RELCH: variants seen among roughly 807,000 people sequenced by gnomAD.
The protein encoded by RELCH is RAB11 binding and LisH domain, coiled-coil and HEAT repeat containing.
In RELCH, 41 loss-of-function variants were observed where a neutral mutation model predicts 150.3. The ratio of observed to expected loss-of-function variants is 0.27; its 90% CI spans 0.21 to 0.35. The LOEUF is 0.35. Among genes scored for constraint, RELCH ranks in the 10% least tolerant of loss-of-function variants. RELCH has a pLI of 1.00. For missense variants in RELCH, 1,092 were observed against 1,467.8 expected (o/e 0.74, Z 4.18); for synonymous variants, 478 against 531.8 (o/e 0.90, Z 1.39).
chr18:62,262,273 T>A (rs2043311900), intron 16 of RELCH, among the ~76,000 whole-genome samples: 1 of 152,016 alleles, frequency 6.6e-6, no homozygotes, highest in African/African-American at 2.4e-5. Flanking sequence ...TGACAGGCAA[T>A]TGATAACCCT....
chr18:62,287,485 A>G lies in RELCH; in HGVS notation c.3370+18A>G. On this transcript the variant is annotated intron_variant, in intron 26 of 28. Transcript: ENST00000644646. ...CTGTTGTTGTATCCTTGTTTTATTA[A>G]GGTGTATCTACATTTATGTAACCAA... is the stretch of plus-strand genomic sequence containing the variant. 8.0e-7 allele frequency: 1 copy of G among 1,255,736 alleles called. No homozygotes were observed. The highest frequency in any genetic ancestry group is 1.2e-6 in the Non-Finnish European group (1 of 859,212). The allele number at this position is 1,255,736 out of a possible 1,614,324, so 77.8% of individuals were successfully genotyped here.
intron 11 of RELCH, among the ~76,000 whole-genome samples, chr18:62,250,335 G>A (rs1304592171): frequency 1.3e-5 from 2 of 152,124 alleles, no homozygotes; most frequent in South Asian, 4.1e-4. Flanking sequence ...ATACAAGTGT[G>A]CACCTCTTGT....
At position 62,209,614 on chromosome 18, in the gene RELCH, A is replaced by G. The variant is rs188455772; in HGVS notation, c.527-1539A>G. Among the ~76,000 whole-genome samples the G allele has an allele frequency of 1.3e-4, 20 of 148,598 alleles. No homozygotes were observed. In the East Asian group the frequency reaches 4.0e-3, roughly 29 times the overall value. ...GCTATTCTGAGACTTTTTTGTTTCC[A>G]TGTGAGTTTTAGCATCAAGTTCTCA... On this transcript the variant is annotated intron_variant, in intron 1 of 28. Transcript: ENST00000644646.
chr18:62,229,540 G>A (rs1025635337), intron 8 of RELCH, among the ~76,000 whole-genome samples: 2 of 151,364 alleles, frequency 1.3e-5, no homozygotes, highest in African/African-American at 4.9e-5. Context: ...CTGTCTGTCT[G>A]TGTTGGTCAC....
chr18:62,260,457 A>G lies in RELCH; in HGVS notation c.2203-1054A>G, dbSNP rs192958072. 1.7e-3 allele frequency among the ~76,000 whole-genome samples: 257 copies of G among 152,012 alleles called. 1 individual carries two copies. Among genetic ancestry groups the G allele is most frequent in the African/African-American group, 6.0e-3 (248 of 41,534 alleles). On this transcript the variant is annotated intron_variant, in intron 15 of 28. Transcript: ENST00000644646. ...TGTTGGTAGGAATGTAAATTAGTAC[A>G]GCCACTATGGAAAACAGTGTGGAAG...
chr18:62,193,249 T>C (rs1047633054), intron 1 of RELCH, among the ~76,000 whole-genome samples: 6 of 152,230 alleles, frequency 3.9e-5, no homozygotes, highest in African/African-American at 1.4e-4. Context: ...TAGTTGCCTA[T>C]CAGCTTAAGA....
intron 1 of RELCH, among the ~76,000 whole-genome samples, chr18:62,198,354 T>G (rs984609205): frequency 2.0e-5 from 3 of 152,212 alleles, no homozygotes; most frequent in Admixed American, 6.5e-5. Flanking sequence ...TATAAGTTGC[T>G]GATCTAGTCA....
At chr18:62,275,526 TGCGAAGAAGAAGGGA>T in intron 22 of RELCH, 53 bp downstream of exon 22, 5 of 1,127,506 alleles carry the variant, frequency 4.4e-6, no homozygotes, top group Non-Finnish European at 6.6e-6. Context: ...TTTTTTTTTT[TGCGAAGAAGAAGGGA>T]ATTTTTTTTA....
At chr18:62,201,598 A>G (rs1294784149) in intron 1 of RELCH, among the ~76,000 whole-genome samples, 2 of 152,208 alleles carry the variant, frequency 1.3e-5, no homozygotes, top group Admixed American at 1.3e-4. Context: ...AAGCTCAAAT[A>G]ATACAAAGAG....
chr18:62,252,730 A>G lies in RELCH; in HGVS notation c.1800A>G (p.Glu600=). The change falls in exon 12 of 29, where the codon GAA becomes GAG. Residue 600 remains glutamate, a synonymous_variant. Coordinates refer to ENST00000644646, the MANE Select transcript of RELCH (RefSeq NM_001346231.2). ...TTGGACCAACACGTGTAGAAGCTGA[A>G]CTTTTACCACAGTGTTGGGAACAGG... ...RHVGPTRVEA[E]LLPQCWEQIN... 1 of 1,613,628 alleles carries G rather than the reference A, an allele frequency of 6.2e-7. No individual in the cohort carries two copies. The highest frequency in any genetic ancestry group is 2.2e-5 in the East Asian group (1 of 44,834).
intron 28 of RELCH, among the ~76,000 whole-genome samples, chr18:62,303,697 G>C (rs1190714808): frequency 1.3e-5 from 2 of 152,224 alleles, no homozygotes; most frequent in African/African-American, 2.4e-5. Flanking sequence ...TTTGAGAGTG[G>C]TTGAACAATA....
chr18:62,294,015 T>A (rs2045284659), intron 27 of RELCH, among the ~76,000 whole-genome samples: 1 of 152,208 alleles, frequency 6.6e-6, no homozygotes, highest in Non-Finnish European at 1.5e-5. Flanking sequence ...CTCATTTTGT[T>A]TATAAATTTC....
At chr18:62,208,037 G>A (rs9966546) in intron 1 of RELCH, among the ~76,000 whole-genome samples, 62,888 of 152,004 alleles carry the variant, frequency 0.41, 13,165 homozygotes, top group Middle Eastern at 0.58. Context: ...GAGGGTTTCA[G>A]TTTCTCCACA....
At chr18:62,234,265 C>T (rs1023287994) in intron 10 of RELCH, among the ~76,000 whole-genome samples, 3 of 151,112 alleles carry the variant, frequency 2.0e-5, no homozygotes, top group African/African-American at 7.3e-5. Context: ...CATATCTCTC[C>T]CTCTATGGGG....
intron 25 of RELCH, among the ~76,000 whole-genome samples, chr18:62,283,264 T>C (rs970739571): frequency 1.3e-5 from 2 of 152,198 alleles, no homozygotes; most frequent in African/African-American, 4.8e-5. Context: ...TCTTCCACAA[T>C]TGTCTGCCTT....
intron 27 of RELCH, among the ~76,000 whole-genome samples, chr18:62,293,799 A>T (rs1383101135): frequency 2.0e-5 from 3 of 152,056 alleles, no homozygotes; most frequent in Non-Finnish European, 2.9e-5. Flanking sequence ...AGTTCCATAT[A>T]TGCCCCTCCC....
rs138600301 is a variant in RELCH at position 62,279,443 on chromosome 18, T to C, written c.2968-331T>C. 1.5e-4 allele frequency among the ~76,000 whole-genome samples: 23 copies of C among 152,306 alleles called. 1 individual carries two copies. The highest frequency in any genetic ancestry group is 4.8e-4 in the African/African-American group (20 of 41,582). On this transcript the variant is annotated intron_variant, in intron 22 of 28. Transcript: ENST00000644646. ...AGAATTTTAACCATAGAGCACAATA[T>C]GTGTCAAACAAGCTAAAAAAGTATT...
chr18:62,224,049 A>G (rs2041051946), intron 5 of RELCH, among the ~76,000 whole-genome samples: 1 of 152,022 alleles, frequency 6.6e-6, no homozygotes, highest in African/African-American at 2.4e-5. Flanking sequence ...TACATGTGCC[A>G]TGTTGGTTTG....
chr18:62,243,461 A>G (rs974458974), intron 10 of RELCH, among the ~76,000 whole-genome samples: 23 of 152,156 alleles, frequency 1.5e-4, no homozygotes, highest in Non-Finnish European at 3.1e-4. Flanking sequence ...TAAAACCTAC[A>G]GAGATGCCCA....
Sources: allele counts gnomAD v4.1 joint callset (sites outside exome capture counted in the v4.1 genomes callset), GRCh38; gene constraint gnomAD v4.1.1; transcripts MANE v1.5; gene names NCBI Gene and HGNC (gene_info 2026-07-23, HGNC 2026-07-21).